Variants in PLSCR4 observed in about 807,000 individuals in gnomAD.
PLSCR4 encodes phospholipid scramblase 4.
Under a neutral mutation model 36.3 loss-of-function variants are expected in PLSCR4, and 25 were observed. That is an observed-to-expected ratio of 0.69 (90% CI 0.50 to 0.96). The LOEUF (loss-of-function observed/expected upper bound fraction) is 0.96. PLSCR4 is among the 40% of genes least tolerant of loss of function. PLSCR4 has a pLI of 0.00. For missense variants in PLSCR4, 408 were observed against 414.7 expected (o/e 0.98, Z 0.14); for synonymous variants, 122 against 132.9 (o/e 0.92, Z 0.56).
At chr3:146,207,196 T>G (rs1409188276) in intron 3 of PLSCR4, among the ~76,000 whole-genome samples, 1 of 152,150 alleles carries the variant, frequency 6.6e-6, no homozygotes, top group Non-Finnish European at 1.5e-5. Flanking sequence ...TGTTATTGTT[T>G]GTGGTTACAT....
chr3:146,212,569 G>A (rs568262246), intron 3 of PLSCR4, among the ~76,000 whole-genome samples: 1 of 151,230 alleles, frequency 6.6e-6, no homozygotes, highest in South Asian at 2.1e-4. Context: ...TTCTACCCTA[G>A]CCTCCAGGTA....
intron 4 of PLSCR4, among the ~76,000 whole-genome samples, chr3:146,202,024 A>G (rs2034074226): frequency 6.6e-6 from 1 of 152,094 alleles, no homozygotes; most frequent in Non-Finnish European, 1.5e-5. Flanking sequence ...TGAATGCAGT[A>G]ATACATGAAA....
chr3:146,244,778 G>T (rs1478415921), intron 1 of PLSCR4, among the ~76,000 whole-genome samples: 1 of 152,028 alleles, frequency 6.6e-6, no homozygotes, highest in Non-Finnish European at 1.5e-5. Context: ...TGAAAAGAAG[G>T]TTCGTGCATC....
chr3:146,247,747 TGA>T (rs1449179844), intron 1 of PLSCR4, among the ~76,000 whole-genome samples: 1 of 152,064 alleles, frequency 6.6e-6, no homozygotes, highest in Non-Finnish European at 1.5e-5. Context: ...CTCAGCCTCC[TGA>T]GCAGCTGGCA....
intron 3 of PLSCR4, among the ~76,000 whole-genome samples, chr3:146,215,326 T>G (rs768595887): frequency 3.3e-5 from 5 of 151,958 alleles, no homozygotes; most frequent in Non-Finnish European, 7.4e-5. Flanking sequence ...AATATATATG[T>G]ATGTATTATT....
intron 3 of PLSCR4, among the ~76,000 whole-genome samples, chr3:146,207,410 C>T (rs1020044422): frequency 1.3e-5 from 2 of 152,012 alleles, no homozygotes; most frequent in African/African-American, 4.8e-5. Context: ...GCTTAAACAA[C>T]AAGCATTTCT....
chr3:146,205,686 A>G (rs1382482559), intron 4 of PLSCR4, among the ~76,000 whole-genome samples: 1 of 152,066 alleles, frequency 6.6e-6, no homozygotes, highest in Non-Finnish European at 1.5e-5. Context: ...ACTGTGCAAG[A>G]TTTCATCATG....
At chr3:146,225,752 A>C (rs920982034) in intron 1 of PLSCR4, among the ~76,000 whole-genome samples, 2 of 152,082 alleles carry the variant, frequency 1.3e-5, no homozygotes, top group Non-Finnish European at 2.9e-5. Flanking sequence ...GCCGACGCCC[A>C]CCCGGAACTC....
At chr3:146,228,607 T>A (rs1328210956) in intron 1 of PLSCR4, among the ~76,000 whole-genome samples, 1 of 152,174 alleles carries the variant, frequency 6.6e-6, no homozygotes, top group East Asian at 1.9e-4. Context: ...ACTTATATTA[T>A]TCAGATGATG....
intron 3 of PLSCR4, among the ~76,000 whole-genome samples, chr3:146,208,359 T>C (rs2034445795): frequency 6.6e-6 from 1 of 152,050 alleles, no homozygotes; most frequent in Admixed American, 6.6e-5. Context: ...CCCTTCTAGA[T>C]ATTGGCTTAG....
chr3:146,208,601 A>G (rs528511154), intron 3 of PLSCR4, among the ~76,000 whole-genome samples: 7 of 152,328 alleles, frequency 4.6e-5, no homozygotes, highest in Admixed American at 2.0e-4. Context: ...AAGTGGGATA[A>G]GGACATGAAT....
At chr3:146,212,197 C>T (rs543525913) in intron 3 of PLSCR4, among the ~76,000 whole-genome samples, 3 of 152,014 alleles carry the variant, frequency 2.0e-5, no homozygotes, top group East Asian at 3.9e-4. Flanking sequence ...TCTTTAATTT[C>T]TTTCAACGTT....
chr3:146,202,596 AT>A (rs1257370557), intron 4 of PLSCR4, among the ~76,000 whole-genome samples: 1 of 151,982 alleles, frequency 6.6e-6, no homozygotes, highest in Non-Finnish European at 1.5e-5. Flanking sequence ...GGCGGCAGCA[AT>A]TTCTTAACAA....
At chr3:146,235,727 T>A (rs2035887685) in intron 1 of PLSCR4, among the ~76,000 whole-genome samples, 1 of 152,158 alleles carries the variant, frequency 6.6e-6, no homozygotes, top group African/African-American at 2.4e-5. Context: ...AGAGACTTGT[T>A]AAATTGTTGT....
At chr3:146,230,717 C>G (rs533193594) in intron 1 of PLSCR4, among the ~76,000 whole-genome samples, 1 of 152,026 alleles carries the variant, frequency 6.6e-6, no homozygotes, top group African/African-American at 2.4e-5. Flanking sequence ...GAAGAAAATT[C>G]GCAGCAGTAA....
At chr3:146,229,174 G>C (rs1264518388) in intron 1 of PLSCR4, among the ~76,000 whole-genome samples, 1 of 152,180 alleles carries the variant, frequency 6.6e-6, no homozygotes, top group African/African-American at 2.4e-5. Flanking sequence ...CTTGGAATTT[G>C]CAAGTAATAG....
intron 1 of PLSCR4, among the ~76,000 whole-genome samples, chr3:146,246,093 C>T (rs1045533497): frequency 6.6e-6 from 1 of 152,048 alleles, no homozygotes; most frequent in East Asian, 1.9e-4. Context: ...ATTAGAGAAA[C>T]GAATTCCAGG....
intron 4 of PLSCR4, among the ~76,000 whole-genome samples, chr3:146,203,422 T>C (rs1002606980): frequency 6.6e-6 from 1 of 151,992 alleles, no homozygotes; most frequent in African/African-American, 2.4e-5. Context: ...ACGTCAGGCG[T>C]TGACTTCTAC....
intron 1 of PLSCR4, among the ~76,000 whole-genome samples, chr3:146,244,207 A>AT (rs2036259879): frequency 6.6e-6 from 1 of 152,180 alleles, no homozygotes; most frequent in Non-Finnish European, 1.5e-5. Flanking sequence ...GGTTCAACGT[A>AT]CGTAAACGTT....
Sources: gnomAD v4.1 joint callset for allele counts (sites outside exome capture counted in the v4.1 genomes callset) on GRCh38, gnomAD v4.1.1 for gene constraint, MANE v1.5 for transcripts, NCBI Gene and HGNC (gene_info 2026-07-23, HGNC 2026-07-21) for gene names.